NUP153: variants seen among roughly 807,000 people sequenced by gnomAD.
NUP153 encodes nucleoporin 153, also known as nuclear pore complex protein Nup153.
NUP153 carries 27 observed loss-of-function variants against 134.6 expected under a neutral mutation model. That is an observed-to-expected ratio of 0.20 (90% CI 0.15 to 0.28). NUP153 has a LOEUF of 0.28. NUP153 is among the 10% of genes least tolerant of loss of function. NUP153 has a pLI of 1.00. For missense variants in NUP153, 1,821 were observed against 1,731.3 expected (o/e 1.05, Z -0.92); for synonymous variants, 640 against 623.5 (o/e 1.03, Z -0.40).
At chr6:17,674,188 A>T (rs1192623811) in intron 5 of NUP153, among the ~76,000 whole-genome samples, 1 of 152,202 alleles carries the variant, frequency 6.6e-6, no homozygotes, top group Non-Finnish European at 1.5e-5. Context: ...GACTCAAGAG[A>T]TACATAAGGT....
In NUP153 at chr6:17,627,669, T is replaced by G. The variant is rs185858157; in HGVS notation, c.3544+986A>C. Among the ~76,000 whole-genome samples the G allele has an allele frequency of 2.4e-4, 37 of 152,318 alleles. No homozygotes were observed. In the East Asian group the frequency reaches 6.6e-3, roughly 27 times the overall value. ...AGCTACGGCACCCGGATTGTCTTTA[T>G]ATTTAAACACATTTGGCTAGTAACA... On this transcript the variant is annotated intron_variant, in intron 18 of 21. Transcript: ENST00000262077.
At chr6:17,694,670 G>C (rs1483601711) in intron 1 of NUP153, among the ~76,000 whole-genome samples, 1 of 151,378 alleles carries the variant, frequency 6.6e-6, no homozygotes, top group Non-Finnish European at 1.5e-5. Context: ...AAAAAGAAAA[G>C]AAAAGAAAAA....
chr6:17,634,108 C>G (rs1356839173), intron 16 of NUP153, among the ~76,000 whole-genome samples: 1 of 151,834 alleles, frequency 6.6e-6, no homozygotes, highest in African/African-American at 2.4e-5. Flanking sequence ...GTTCATGAAC[C>G]CCCCCCATTA....
In NUP153 at chr6:17,637,869, C is replaced by T. The variant is rs1765641501; in HGVS notation, c.1847-99G>A. The T allele has an allele frequency of 3.9e-6, 5 of 1,274,018 alleles. No homozygotes were observed. The South Asian group carries it at 7.7e-5, about 20-fold the overall frequency. 78.9% of individuals were successfully genotyped at this position (1,274,018 alleles called of 1,614,324 possible). On this transcript the variant is annotated intron_variant, in intron 15 of 21. Coordinates refer to ENST00000262077, the MANE Select transcript of NUP153 (RefSeq NM_005124.4). ...CTGAGAAGACGTTTACCTCACTGCACACTTACTACAATCCAAGATGAACTA... is the reference window on the plus strand; with the variant it reads ...CTGAGAAGACGTTTACCTCACTGCATACTTACTACAATCCAAGATGAACTA...
chr6:17,675,869 G>C lies in NUP153; in HGVS notation c.335-99C>G. On this transcript the variant is annotated intron_variant, in intron 2 of 21. Coordinates refer to ENST00000262077, the MANE Select transcript of NUP153 (RefSeq NM_005124.4). This position sits in a 1 kb window ranked among gnomAD's most constrained non-coding sequence, Gnocchi z 4.4. ...AGAAAACACATTACAGTATATAATA[G>C]CTTCAATTCAAATCACTGGGGCATC... The C allele has an allele frequency of 8.7e-7, 1 of 1,149,034 alleles. No homozygotes were observed. Among genetic ancestry groups the C allele is most frequent in the South Asian group, 1.3e-5 (1 of 74,332 alleles). The allele number at this position is 1,149,034 out of a possible 1,614,324, so 71.2% of individuals were successfully genotyped here.
intron 20 of NUP153, among the ~76,000 whole-genome samples, chr6:17,622,294 G>GC (rs1561850729): frequency 6.6e-6 from 1 of 151,976 alleles, no homozygotes; most frequent in South Asian, 2.1e-4. Context: ...TACAAACCAC[G>GC]CCCCCCTCCA....
intron 17 of NUP153, among the ~76,000 whole-genome samples, chr6:17,631,294 C>T (rs1005542077): frequency 2.0e-5 from 3 of 152,182 alleles, no homozygotes; most frequent in Non-Finnish European, 4.4e-5. Context: ...TTATTCCTGA[C>T]TTTTGGTTTG....
At chr6:17,658,138 G>A (rs1165950006) in intron 11 of NUP153, among the ~76,000 whole-genome samples, 2 of 152,204 alleles carry the variant, frequency 1.3e-5, no homozygotes, top group Admixed American at 6.5e-5. Flanking sequence ...GATGGCTCAC[G>A]CCTATAATCC....
chr6:17,682,617 C>A (rs1388800757), intron 2 of NUP153, among the ~76,000 whole-genome samples: 1 of 152,016 alleles, frequency 6.6e-6, no homozygotes, highest in Non-Finnish European at 1.5e-5. Flanking sequence ...AGAGTAGATT[C>A]CATCTCACGA....
intron 15 of NUP153, among the ~76,000 whole-genome samples, 172 bp from the exon 16 acceptor site, chr6:17,637,942 A>G (rs546989949): frequency 6.6e-6 from 1 of 152,320 alleles, no homozygotes; most frequent in Non-Finnish European, 1.5e-5. Flanking sequence ...CAATTACCTA[A>G]TAAGTTACAC....
chr6:17,669,636 G>T, intron 5 of NUP153, 90 bp from the exon 6 acceptor site: 1 of 878,442 alleles, frequency 1.1e-6, no homozygotes, highest in Non-Finnish European at 1.9e-6. Context: ...TAGAATGGAT[G>T]TCCAAAGTAA....
intron 2 of NUP153, among the ~76,000 whole-genome samples, chr6:17,683,898 T>C (rs536944504): frequency 7.7e-4 from 118 of 152,298 alleles, no homozygotes; most frequent in African/African-American, 2.5e-3. Flanking sequence ...ATGCTGAAAT[T>C]TGATCCTCAA....
chr6:17,668,335 C>T (rs952853692), intron 8 of NUP153, among the ~76,000 whole-genome samples: 1 of 151,856 alleles, frequency 6.6e-6, no homozygotes, highest in Non-Finnish European at 1.5e-5. Flanking sequence ...TGGCCTGGGC[C>T]TCCCAAAGTG....
intron 20 of NUP153, among the ~76,000 whole-genome samples, chr6:17,622,097 T>C (rs1439697386): frequency 6.6e-6 from 1 of 152,140 alleles, no homozygotes; most frequent in East Asian, 1.9e-4. Flanking sequence ...GCATGGCTTT[T>C]CTTTTGTTTT....
chr6:17,687,124 A>G (rs1216424888), intron 2 of NUP153, among the ~76,000 whole-genome samples: 1 of 152,192 alleles, frequency 6.6e-6, no homozygotes, highest in Non-Finnish European at 1.5e-5. Context: ...AAATATACAT[A>G]AACTGTACAG....
At chr6:17,651,620 C>G (rs574113964) in intron 11 of NUP153, among the ~76,000 whole-genome samples, 3 of 152,178 alleles carry the variant, frequency 2.0e-5, no homozygotes, top group Non-Finnish European at 4.4e-5. Flanking sequence ...AACTACTAAG[C>G]ATAAGAAGGC....
At chr6:17,654,823 A>T (rs1766714899) in intron 11 of NUP153, among the ~76,000 whole-genome samples, 2 of 152,212 alleles carry the variant, frequency 1.3e-5, no homozygotes, top group African/African-American at 4.8e-5. Flanking sequence ...ATCTCATATG[A>T]GGTAGATACT....
intron 5 of NUP153, among the ~76,000 whole-genome samples, chr6:17,671,647 T>C (rs1029008273): frequency 9.2e-5 from 14 of 152,196 alleles, no homozygotes; most frequent in African/African-American, 2.9e-4. Flanking sequence ...ACCATGTTCA[T>C]GGTTTGGAAG....
chr6:17,644,824 G>A (rs1297821518), intron 14 of NUP153, among the ~76,000 whole-genome samples: 2 of 152,108 alleles, frequency 1.3e-5, no homozygotes, highest in Non-Finnish European at 2.9e-5. Context: ...GGTGGTTCAC[G>A]CCTGTAATCC....
Sources: allele counts gnomAD v4.1 joint callset (sites outside exome capture counted in the v4.1 genomes callset), GRCh38; gene constraint gnomAD v4.1.1; non-coding constraint Gnocchi (gnomAD v3.1); transcripts MANE v1.5; gene names NCBI Gene and HGNC (gene_info 2026-07-23, HGNC 2026-07-21).